GPC3: variants seen among roughly 807,000 people sequenced by gnomAD.
GPC3 encodes glypican 3.
In GPC3, 3 loss-of-function variants were observed where a neutral mutation model predicts 34.4. The observed-to-expected ratio is 0.09, with a 90% CI of 0.04 to 0.23. The LOEUF is 0.23. Ranked by LOEUF, GPC3 falls within the 10% of genes least tolerant of loss-of-function variation. GPC3 has a pLI of 1.00. For missense variants in GPC3, 351 were observed against 445.6 expected, an observed-to-expected ratio of 0.79 and a Z score of 1.91; for synonymous variants, 177 against 174.0, an observed-to-expected ratio of 1.02 and a Z score of -0.13.
chrX:133,932,183 A>T (rs1486456024), intron 2 of GPC3, among the ~76,000 whole-genome samples: 1 of 112,633 alleles, frequency 8.9e-6, no homozygotes, highest in Non-Finnish European at 1.9e-5. Flanking sequence ...CAAGAGAACT[A>T]AATGGTAGAC....
chrX:133,826,175 T>G (rs2075745581), intron 2 of GPC3, among the ~76,000 whole-genome samples: 1 of 111,404 alleles, frequency 9.0e-6, no homozygotes, highest in African/African-American at 3.3e-5. Context: ...AAGGGAAAAG[T>G]AATCAATAGA....
At chrX:133,671,650 C>A (rs75487934) in intron 5 of GPC3, among the ~76,000 whole-genome samples, 1 of 111,968 alleles carries the variant, frequency 8.9e-6, no homozygotes, top group Non-Finnish European at 1.9e-5. Flanking sequence ...AAACCCAGGG[C>A]ATGTAAATCT....
chrX:133,629,313 TC>T (rs1414777350), intron 6 of GPC3, among the ~76,000 whole-genome samples: 4 of 111,948 alleles, frequency 3.6e-5, no homozygotes, highest in Non-Finnish European at 7.5e-5. Context: ...CTCCTTGGTT[TC>T]CCCATATGTC....
chrX:133,666,024 A>T (rs2070764533), intron 5 of GPC3, among the ~76,000 whole-genome samples: 1 of 111,631 alleles, frequency 9.0e-6, no homozygotes, highest in Non-Finnish European at 1.9e-5. Context: ...AAAGCTTCTT[A>T]TCCTCATTGG....
intron 1 of GPC3, among the ~76,000 whole-genome samples, chrX:133,964,038 C>G (rs1212329483): frequency 2.7e-5 from 3 of 111,181 alleles, no homozygotes; most frequent in Non-Finnish European, 5.7e-5. Context: ...AGGCCACACT[C>G]TAACTCACTA....
chrX:133,629,967 T>A (rs2070348405), intron 6 of GPC3, among the ~76,000 whole-genome samples: 1 of 109,834 alleles, frequency 9.1e-6, no homozygotes, highest in Non-Finnish European at 1.9e-5. Flanking sequence ...GGCAGGAGAA[T>A]CGCTTGAACT....
intron 3 of GPC3, among the ~76,000 whole-genome samples, chrX:133,706,042 C>T (rs992510996): frequency 1.8e-5 from 2 of 111,604 alleles, no homozygotes; most frequent in Non-Finnish European, 3.8e-5. Context: ...ACAAAATCTT[C>T]GGTAATTCCT....
intron 1 of GPC3, among the ~76,000 whole-genome samples, chrX:133,976,175 T>G (rs1673427449): frequency 8.9e-6 from 1 of 112,062 alleles, no homozygotes; most frequent in African/African-American, 3.2e-5. Flanking sequence ...CCACTAGCTC[T>G]CCCCCAGAAA....
At chrX:133,774,832 G>C (rs900046700) in intron 2 of GPC3, among the ~76,000 whole-genome samples, 1 of 111,523 alleles carries the variant, frequency 9.0e-6, no homozygotes, top group African/African-American at 3.3e-5. Context: ...GTCTGGATCT[G>C]GGATCTCACT....
chrX:133,891,613 A>AAAAT lies in GPC3; in HGVS notation c.337+61433_337+61436dup, dbSNP rs774626195. 7.4e-3 allele frequency among the ~76,000 whole-genome samples: 801 copies of AAAAT among 107,964 alleles called. 3 individuals carry two copies. Among genetic ancestry groups the AAAAT allele is most frequent in the East Asian group, 0.021 (72 of 3,485 alleles). The allele number at this position is 107,964 out of a possible 115,157, so 93.8% of individuals were successfully genotyped here. On this transcript the variant is annotated intron_variant, in intron 2 of 7. Coordinates refer to ENST00000370818, the MANE Select transcript of GPC3 (RefSeq NM_004484.4). ...AGAGACCCTGTTTCTACAAAAAGTA[A>AAAAT]AAATAAATAAATAAATAAATAAATA...
chrX:133,857,305 T>C (rs1331762997), intron 2 of GPC3, among the ~76,000 whole-genome samples: 1 of 112,599 alleles, frequency 8.9e-6, no homozygotes, highest in Non-Finnish European at 1.9e-5. Context: ...TTAACCAGTT[T>C]CTCTTAAATC....
chrX:133,705,515 G>A (rs908242717), intron 3 of GPC3, among the ~76,000 whole-genome samples: 2 of 112,229 alleles, frequency 1.8e-5, no homozygotes, highest in African/African-American at 6.5e-5. Flanking sequence ...GGAAACTGAA[G>A]CTCACAAAAG....
At chrX:133,848,026 T>A (rs1351244004) in intron 2 of GPC3, among the ~76,000 whole-genome samples, 4 of 112,132 alleles carry the variant, frequency 3.6e-5, no homozygotes, top group Non-Finnish European at 7.5e-5. Flanking sequence ...AGAGAAGGGA[T>A]GTCATTTCAA....
intron 2 of GPC3, among the ~76,000 whole-genome samples, chrX:133,803,178 G>T (rs2075618946): frequency 8.9e-6 from 1 of 111,869 alleles, no homozygotes; most frequent in Admixed American, 9.4e-5. Flanking sequence ...GCCCACCCTG[G>T]CCTCCCAAAG....
chrX:133,821,576 G>A (rs944538823), intron 2 of GPC3, among the ~76,000 whole-genome samples: 17 of 111,792 alleles, frequency 1.5e-4, no homozygotes, highest in Admixed American at 2.9e-4. Context: ...TGGAGGCCTG[G>A]TTCTACCACT....
intron 1 of GPC3, among the ~76,000 whole-genome samples, chrX:133,969,292 C>G (rs971921783): frequency 9.0e-5 from 10 of 111,406 alleles, no homozygotes; most frequent in Non-Finnish European, 1.9e-4. Context: ...AAATTTCAAA[C>G]CACCCTGCTT....
At chrX:133,914,981 A>ATATATATATATATAT (rs1491286825) in intron 2 of GPC3, among the ~76,000 whole-genome samples, 1 of 92,310 alleles carries the variant, frequency 1.1e-5, no homozygotes, top group African/African-American at 4.1e-5. Context: ...ATATATATAT[A>ATATATATATATATAT]AAGTTTTATA....
intron 6 of GPC3, among the ~76,000 whole-genome samples, chrX:133,633,424 C>T (rs1350347105): frequency 8.9e-6 from 1 of 112,120 alleles, no homozygotes; most frequent in Non-Finnish European, 1.9e-5. Flanking sequence ...TGGGAGGAAA[C>T]ACTTCCTCAA....
intron 2 of GPC3, among the ~76,000 whole-genome samples, chrX:133,823,286 A>G (rs1050397037): frequency 2.7e-5 from 3 of 110,453 alleles, no homozygotes; most frequent in African/African-American, 9.9e-5. Context: ...ATGACAAAAA[A>G]AACTACTAAC....
Sources: gnomAD v4.1 joint callset for allele counts (sites outside exome capture counted in the v4.1 genomes callset) on GRCh38, gnomAD v4.1.1 for gene constraint, MANE v1.5 for transcripts, NCBI Gene and HGNC (gene_info 2026-07-23, HGNC 2026-07-21) for gene names.